The following RAB7A variants were observed in gnomAD, a reference collection of about 807,000 sequenced individuals.
RAB7A encodes the protein ras-related protein Rab-7a.
Under a neutral mutation model 24.5 loss-of-function variants are expected in RAB7A, and 2 were observed. That is an observed-to-expected ratio of 0.08 (90% CI 0.03 to 0.26). The LOEUF (loss-of-function observed/expected upper bound fraction) is 0.26, where lower values mean the gene tolerates loss of function less well. Ranked by LOEUF, RAB7A falls within the 10% of genes least tolerant of loss-of-function variation. The probability of loss-of-function intolerance (pLI) is 1.00; values close to 1 mark genes in which losing one functional copy is unlikely to be tolerated. For missense variants in RAB7A, 118 were observed against 255.7 expected (o/e 0.46, Z 3.67); for synonymous variants, 100 against 95.9 (o/e 1.04, Z -0.25).
At chr3:128,773,764 T>C (rs1559789151) in intron 1 of RAB7A, among the ~76,000 whole-genome samples, 1 of 152,252 alleles carries the variant, frequency 6.6e-6, no homozygotes, top group Non-Finnish European at 1.5e-5. Flanking sequence ...TGGGATGCTG[T>C]TGATCTATGA....
intron 1 of RAB7A, among the ~76,000 whole-genome samples, chr3:128,783,017 A>G (rs1479072752): frequency 1.3e-5 from 2 of 152,216 alleles, no homozygotes; most frequent in East Asian, 1.9e-4. Context: ...GCACTCTCAC[A>G]GAGGCAGTGA....
At chr3:128,810,962 G>A (rs1363980889) in intron 5 of RAB7A, among the ~76,000 whole-genome samples, 1 of 152,018 alleles carries the variant, frequency 6.6e-6, no homozygotes, top group African/African-American at 2.4e-5. Flanking sequence ...GCTGAGGCAG[G>A]AGAATTGCTT....
chr3:128,767,451 A>C (rs532845634), intron 1 of RAB7A, among the ~76,000 whole-genome samples: 6 of 152,320 alleles, frequency 3.9e-5, no homozygotes, highest in African/African-American at 1.4e-4. Context: ...AGGCTGGAGT[A>C]GAGTGAAGGG....
intron 1 of RAB7A, among the ~76,000 whole-genome samples, chr3:128,760,971 C>G (rs2070772032): frequency 6.6e-6 from 1 of 152,194 alleles, no homozygotes. Flanking sequence ...GGAAGCCTTT[C>G]TTACAGATAA....
At position 128,728,713 on chromosome 3, in the gene RAB7A, C is replaced by T. The variant is rs144944442; in HGVS notation, c.-9+2354C>T. Reference sequence around the variant, plus strand: ...CCTACCTCAGGTGATCCGCCTGTCTCGGCCTCCGAAAAGTGCTGGGATTAC... The same window carrying T: ...CCTACCTCAGGTGATCCGCCTGTCTTGGCCTCCGAAAAGTGCTGGGATTAC... On this transcript the variant is annotated intron_variant, in intron 1 of 5. Coordinates refer to ENST00000265062, the MANE Select transcript of RAB7A (RefSeq NM_004637.6). Among the ~76,000 whole-genome samples the T allele has an allele frequency of 2.0e-3, 305 of 152,288 alleles. 1 individual carries two copies. Among genetic ancestry groups the T allele is most frequent in the Middle Eastern group, 0.01 (3 of 294 alleles).
intron 2 of RAB7A, 137 bp from the exon 3 acceptor site, chr3:128,797,806 A>G (rs906664774): frequency 5.4e-6 from 5 of 918,642 alleles, no homozygotes; most frequent in Non-Finnish European, 7.1e-6. Context: ...TCGGAAGGCT[A>G]CTGGCATTGC....
At chr3:128,797,820 T>C in intron 2 of RAB7A, 123 bp from the exon 3 acceptor site, 1 of 1,116,636 alleles carries the variant, frequency 9.0e-7, no homozygotes, top group Non-Finnish European at 1.4e-6. Flanking sequence ...GCATTGCCCT[T>C]TGCTGTGAGG....
chr3:128,795,511 C>T, intron 2 of RAB7A, 91 bp downstream of exon 2: 1 of 1,226,868 alleles, frequency 8.2e-7, no homozygotes, highest in Non-Finnish European at 1.2e-6. Context: ...CCACTTCTTG[C>T]TTTCATAGTG....
At chr3:128,748,467 T>G (rs1463076410) in intron 1 of RAB7A, 1 of 152,290 alleles carries the variant, frequency 6.6e-6, no homozygotes, top group African/African-American at 2.4e-5. Flanking sequence ...CTTTGGGGAA[T>G]GGGGAAGAAT....
chr3:128,752,738 C>CTT lies in RAB7A; in HGVS notation c.-9+26395_-9+26396dup, dbSNP rs11421152. On this transcript the variant is annotated intron_variant, in intron 1 of 5. Transcript: ENST00000265062. ...CTTTTGGTCTCAAGAAGCTTTTCCT[C>CTT]TTTTTTTTTTTTTTTTTAAAGTGTT... Among the ~76,000 whole-genome samples the CTT allele has an allele frequency of 4.9e-3, 655 of 134,268 alleles. 3 individuals carry two copies. Among genetic ancestry groups the CTT allele is most frequent in the East Asian group, 0.024 (112 of 4,760 alleles). 88.1% of individuals were successfully genotyped at this position (134,268 alleles called of 152,430 possible).
chr3:128,811,858 AAAAG>A lies in RAB7A; in HGVS notation c.529-1461_529-1458del, dbSNP rs530673943. Reference sequence around the variant, plus strand: ...AGCAAGACTCTGCCTCAAAAAAAAAAAAAGAAAGAAATCACAGTCCACTAGAAGA... The same window carrying A: ...AGCAAGACTCTGCCTCAAAAAAAAAAAAAGAAATCACAGTCCACTAGAAGA... On this transcript the variant is annotated intron_variant, in intron 5 of 5. Coordinates refer to ENST00000265062, the MANE Select transcript of RAB7A (RefSeq NM_004637.6). Among the ~76,000 whole-genome samples the A allele has an allele frequency of 3.4e-3, 514 of 152,236 alleles. 1 individual carries two copies. Among genetic ancestry groups the A allele is most frequent in the Non-Finnish European group, 5.0e-3 (341 of 68,024 alleles).
chr3:128,742,721 A>G (rs1186088283), intron 1 of RAB7A, among the ~76,000 whole-genome samples: 4 of 152,052 alleles, frequency 2.6e-5, no homozygotes, highest in East Asian at 3.9e-4. Context: ...GTGTATTTAC[A>G]ATCCTTTAGC....
intron 1 of RAB7A, among the ~76,000 whole-genome samples, chr3:128,733,912 A>G (rs948220372): frequency 6.6e-6 from 1 of 152,202 alleles, no homozygotes; most frequent in East Asian, 1.9e-4. Context: ...CACCAGCAGT[A>G]TATAAGAAGT....
At chr3:128,792,817 T>TTTATTTA (rs1933485572) in intron 1 of RAB7A, among the ~76,000 whole-genome samples, 1 of 137,436 alleles carries the variant, frequency 7.3e-6, no homozygotes, top group South Asian at 2.4e-4. Flanking sequence ...CCGAGCTAAT[T>TTTATTTA]TTTATTTATT....
chr3:128,807,970 G>A lies in RAB7A; in HGVS notation c.528+299G>A, dbSNP rs1420993850. On this transcript the variant is annotated intron_variant, in intron 5 of 5. Coordinates refer to ENST00000265062, the MANE Select transcript of RAB7A (RefSeq NM_004637.6). Reference sequence around the variant, plus strand: ...GGAGATCAGGTCACTGGGAGACCCCGAACAGATTGCTGCTTCTATTTAAGG... The same window carrying A: ...GGAGATCAGGTCACTGGGAGACCCCAAACAGATTGCTGCTTCTATTTAAGG... 2.6e-5 allele frequency among the ~76,000 whole-genome samples: 4 copies of A among 152,240 alleles called. No individual in the cohort carries two copies. In the East Asian group the frequency reaches 7.7e-4, roughly 29 times the overall value.
At chr3:128,741,938 C>T (rs1042125687) in intron 1 of RAB7A, among the ~76,000 whole-genome samples, 4 of 152,138 alleles carry the variant, frequency 2.6e-5, no homozygotes, top group Non-Finnish European at 5.9e-5. Flanking sequence ...CCTCCCACCT[C>T]AGCCTTCTGA....
At chr3:128,771,529 A>G (rs905540368) in intron 1 of RAB7A, among the ~76,000 whole-genome samples, 1 of 152,230 alleles carries the variant, frequency 6.6e-6, no homozygotes, top group African/African-American at 2.4e-5. Context: ...TTGGTAATGT[A>G]CCAGGCATTG....
At chr3:128,750,944 A>G (rs867251501) in intron 1 of RAB7A, among the ~76,000 whole-genome samples, 19 of 152,200 alleles carry the variant, frequency 1.2e-4, no homozygotes, top group Admixed American at 8.5e-4. Flanking sequence ...AAAGGAGCCA[A>G]TGTAGAGCTC....
intron 1 of RAB7A, among the ~76,000 whole-genome samples, chr3:128,761,817 A>C (rs1412162425): frequency 6.6e-6 from 1 of 152,228 alleles, no homozygotes; most frequent in Non-Finnish European, 1.5e-5. Context: ...GGATGTGAAT[A>C]AGACTACTTT....
Sources: allele counts gnomAD v4.1 joint callset (sites outside exome capture counted in the v4.1 genomes callset), GRCh38; gene constraint gnomAD v4.1.1; transcripts MANE v1.5; gene names NCBI Gene and HGNC (gene_info 2026-07-23, HGNC 2026-07-21).